Variants in RARB observed in about 807,000 individuals in gnomAD.
The protein encoded by RARB is HBV-activated protein.
Under a neutral mutation model 51.9 loss-of-function variants are expected in RARB, and 17 were observed. The observed-to-expected ratio is 0.33, with a 90% CI of 0.22 to 0.49. The LOEUF (loss-of-function observed/expected upper bound fraction) is 0.49. Among genes scored for constraint, RARB ranks in the 20% least tolerant of loss-of-function variants. The pLI is 0.99. For synonymous variants in RARB, 215 were observed against 195.4 expected (o/e 1.10, Z -0.84); for missense variants, 369 against 550.8 (o/e 0.67, Z 3.30).
At chr3:24,913,166 A>C (rs949331763) in intron 2 of RARB, among the ~76,000 whole-genome samples, 1 of 151,330 alleles carries the variant, frequency 6.6e-6, no homozygotes, top group African/African-American at 2.4e-5. Flanking sequence ...TTGTATTTTT[A>C]GTAGAGACGG....
At chr3:25,307,055 A>T (rs1355616142) in intron 5 of RARB, among the ~76,000 whole-genome samples, 1 of 152,194 alleles carries the variant, frequency 6.6e-6, no homozygotes, top group Non-Finnish European at 1.5e-5. Context: ...GAAAACACTC[A>T]TGATACCTAT....
intron 5 of RARB, among the ~76,000 whole-genome samples, chr3:25,255,060 C>T (rs563018661): frequency 6.6e-6 from 1 of 152,238 alleles, no homozygotes; most frequent in South Asian, 2.1e-4. Flanking sequence ...CAATATTGGC[C>T]AAACATCAGG....
intron 3 of RARB, among the ~76,000 whole-genome samples, chr3:25,561,963 TC>T (rs1700287755): frequency 6.6e-6 from 1 of 152,164 alleles, no homozygotes; most frequent in South Asian, 2.1e-4. Flanking sequence ...CTATGCCTAT[TC>T]CATGAAAGAA....
intron 5 of RARB, among the ~76,000 whole-genome samples, chr3:25,409,995 A>T (rs1386966076): frequency 1.3e-5 from 2 of 152,174 alleles, no homozygotes; most frequent in East Asian, 3.9e-4. Flanking sequence ...ATTGCTTTAG[A>T]TCTTGACAAT....
chr3:25,191,433 A>G (rs1701100847), intron 5 of RARB, among the ~76,000 whole-genome samples: 1 of 152,110 alleles, frequency 6.6e-6, no homozygotes. Flanking sequence ...GTCCCGTGCT[A>G]AGAGCAAGTG....
chr3:25,342,969 G>A (rs1353934769), intron 5 of RARB, among the ~76,000 whole-genome samples: 1 of 150,556 alleles, frequency 6.6e-6, no homozygotes, highest in Non-Finnish European at 1.5e-5. Context: ...GGGGGGAGGG[G>A]AAAAGTATTC....
intron 5 of RARB, among the ~76,000 whole-genome samples, chr3:25,276,535 C>T (rs940025793): frequency 6.6e-6 from 1 of 152,176 alleles, no homozygotes; most frequent in Admixed American, 6.5e-5. Flanking sequence ...ATTTCATTTT[C>T]TCTCCCTTAG....
At chr3:25,080,740 C>T (rs1698977865) in intron 3 of RARB, among the ~76,000 whole-genome samples, 1 of 152,062 alleles carries the variant, frequency 6.6e-6, no homozygotes, top group Admixed American at 6.6e-5. Context: ...AAGCCACTTG[C>T]CTATTTTTCA....
chr3:25,017,219 C>A lies in RARB; in HGVS notation c.-379-42906C>A, dbSNP rs12107995. Among the ~76,000 whole-genome samples the A allele has an allele frequency of 4.6e-3, 683 of 148,548 alleles. 3 individuals carry two copies. Among genetic ancestry groups the A allele is most frequent in the African/African-American group, 0.017 (648 of 38,938 alleles). On this transcript the variant is annotated intron_variant, in intron 2 of 11. Transcript: ENST00000383772. ...TTACAAATTAACTAGCTTTCCCCCC[C>A]CCTTTCAGAACCTAAACCCCCAAAT...
chr3:25,039,162 A>C (rs960118903), intron 2 of RARB, among the ~76,000 whole-genome samples: 2 of 152,208 alleles, frequency 1.3e-5, no homozygotes, highest in African/African-American at 4.8e-5. Flanking sequence ...ATGTGATCAC[A>C]TATCCTATTT....
intron 1 of RARB, among the ~76,000 whole-genome samples, chr3:25,440,243 G>A (rs1279498370): frequency 6.6e-6 from 1 of 151,540 alleles, no homozygotes. Flanking sequence ...CTTGAGCCTA[G>A]GCACTTGAGA....
At chr3:25,278,586 G>T (rs1703449064) in intron 5 of RARB, among the ~76,000 whole-genome samples, 1 of 152,152 alleles carries the variant, frequency 6.6e-6, no homozygotes, top group African/African-American at 2.4e-5. Flanking sequence ...TTCACTAGCT[G>T]TATCAATTGA....
At chr3:25,013,627 A>G (rs1398984681) in intron 2 of RARB, among the ~76,000 whole-genome samples, 1 of 152,048 alleles carries the variant, frequency 6.6e-6, no homozygotes, top group Non-Finnish European at 1.5e-5. Context: ...AGGAAAACAA[A>G]CACCCAGTTC....
At chr3:25,318,831 A>C (rs1704491777) in intron 5 of RARB, among the ~76,000 whole-genome samples, 1 of 152,162 alleles carries the variant, frequency 6.6e-6, no homozygotes, top group African/African-American at 2.4e-5. Context: ...GAATTTCAAA[A>C]AGGTTTTGAT....
At chr3:25,241,519 T>C (rs1229945944) in intron 5 of RARB, among the ~76,000 whole-genome samples, 4 of 152,174 alleles carry the variant, frequency 2.6e-5, no homozygotes, top group Non-Finnish European at 4.4e-5. Context: ...CCTGTGCCCG[T>C]ATTTTCTCAT....
At chr3:25,360,291 T>A (rs1334261843) in intron 5 of RARB, among the ~76,000 whole-genome samples, 6 of 152,222 alleles carry the variant, frequency 3.9e-5, no homozygotes, top group Non-Finnish European at 8.8e-5. Flanking sequence ...GAGACTAGGA[T>A]TGCAACACTT....
intron 2 of RARB, among the ~76,000 whole-genome samples, chr3:24,987,227 G>A (rs925784164): frequency 7.2e-6 from 1 of 139,336 alleles, no homozygotes; most frequent in Admixed American, 7.9e-5. Context: ...GCTTCAATCT[G>A]TATTTCAAAA....
At chr3:24,878,072 G>A (rs1329344395) in intron 2 of RARB, among the ~76,000 whole-genome samples, 1 of 152,178 alleles carries the variant, frequency 6.6e-6, no homozygotes. Context: ...AAGGCACAAA[G>A]TGAGTGTTTT....
At position 25,007,592 on chromosome 3, in the gene RARB, C is replaced by CAAAAAAAAAAAA. The variant is rs759589176; in HGVS notation, c.-379-52532_-379-52521dup. On this transcript the variant is annotated intron_variant, in intron 2 of 11. Coordinates refer to the RARB transcript ENST00000383772. The stretch of plus-strand genomic sequence containing the variant: ...CCTGGGCAACAGAGTGAGACTGTCT[C>CAAAAAAAAAAAA]AAAAAAAAAAAACAAAAAAACCTCA... 1.1e-3 allele frequency among the ~76,000 whole-genome samples: 50 copies of CAAAAAAAAAAAA among 45,376 alleles called. 6 individuals carry two copies. The highest frequency in any genetic ancestry group is 1.4e-3 in the African/African-American group (13 of 9,458). The allele number at this position is 45,376 out of a possible 152,430, so 29.8% of individuals were successfully genotyped here. A position where few individuals can be genotyped will look rare whatever the true frequency, so the allele number is the denominator to read the frequency against.
Sources: gnomAD v4.1 joint callset for allele counts (sites outside exome capture counted in the v4.1 genomes callset) on GRCh38, gnomAD v4.1.1 for gene constraint, MANE v1.5 for transcripts, NCBI Gene and HGNC (gene_info 2026-07-23, HGNC 2026-07-21) for gene names.